PTPRD: variants seen among roughly 807,000 people sequenced by gnomAD.
The protein encoded by PTPRD is receptor-type tyrosine-protein phosphatase delta.
PTPRD carries 34 observed loss-of-function variants against 214.5 expected under a neutral mutation model. That is an observed-to-expected ratio of 0.16 (90% CI 0.12 to 0.21). PTPRD has a LOEUF of 0.21. Ranked by LOEUF, PTPRD falls within the 10% of genes least tolerant of loss-of-function variation. The pLI is 1.00. For missense variants in PTPRD, 2,545 were observed against 2,398.7 expected, an observed-to-expected ratio of 1.06 and a Z score of -1.27; for synonymous variants, 1,128 against 845.7, an observed-to-expected ratio of 1.33 and a Z score of -5.79.
intron 7 of PTPRD, among the ~76,000 whole-genome samples, chr9:9,680,477 A>G (rs564495246): frequency 6.6e-6 from 1 of 151,986 alleles, no homozygotes; most frequent in East Asian, 1.9e-4. Flanking sequence ...AAATTCTTTT[A>G]TCATAATTTG....
chr9:9,918,077 G>C (rs778982271), intron 5 of PTPRD, among the ~76,000 whole-genome samples: 2 of 151,842 alleles, frequency 1.3e-5, no homozygotes, highest in African/African-American at 2.4e-5. Context: ...GCAAGAGAAA[G>C]AAAAGGAATA....
At chr9:9,150,108 C>G (rs2099875359) in intron 10 of PTPRD, among the ~76,000 whole-genome samples, 1 of 152,146 alleles carries the variant, frequency 6.6e-6, no homozygotes. Flanking sequence ...AGAAAGCTGC[C>G]TTGTTTTTTG....
chr9:8,507,752 T>A (rs1349855638), intron 21 of PTPRD, among the ~76,000 whole-genome samples: 2 of 152,156 alleles, frequency 1.3e-5, no homozygotes, highest in Admixed American at 6.5e-5. Flanking sequence ...ATAAATAATA[T>A]AATTTACATA....
intron 11 of PTPRD, among the ~76,000 whole-genome samples, chr9:8,904,307 T>TATGGATATGA (rs2098692613): frequency 6.6e-6 from 1 of 152,194 alleles, no homozygotes; most frequent in Admixed American, 6.5e-5. Flanking sequence ...TCTTATGTAA[T>TATGGATATGA]ATATATCCAT....
At chr9:9,345,343 T>C (rs1310486092) in intron 9 of PTPRD, among the ~76,000 whole-genome samples, 1 of 151,958 alleles carries the variant, frequency 6.6e-6, no homozygotes, top group Non-Finnish European at 1.5e-5. Flanking sequence ...GTTACAGCAG[T>C]AGGTTTTTGT....
intron 43 of PTPRD, 109 bp from the exon 44 acceptor site, chr9:8,331,845 T>C (rs1841524599): frequency 2.3e-6 from 3 of 1,300,736 alleles, no homozygotes; most frequent in Admixed American, 2.9e-5. Context: ...ACAAAAAGGG[T>C]AGAAAAAGTT....
chr9:8,715,789 C>T (rs917596505), intron 12 of PTPRD, among the ~76,000 whole-genome samples: 1 of 152,168 alleles, frequency 6.6e-6, no homozygotes, highest in South Asian at 2.1e-4. Flanking sequence ...TTGAGACAGG[C>T]AAAGTACATT....
At chr9:9,770,929 G>A (rs2098747049) in intron 5 of PTPRD, among the ~76,000 whole-genome samples, 1 of 152,106 alleles carries the variant, frequency 6.6e-6, no homozygotes, top group Admixed American at 6.5e-5. Context: ...AGCCTACTTG[G>A]AAATGGTCAA....
intron 14 of PTPRD, among the ~76,000 whole-genome samples, chr9:8,540,500 T>C (rs2084321641): frequency 2.0e-5 from 3 of 151,998 alleles, no homozygotes; most frequent in African/African-American, 7.2e-5. Flanking sequence ...GAAAAGAAAA[T>C]GTGAGAAATC....
chr9:8,744,672 T>C (rs1288687621), intron 11 of PTPRD, among the ~76,000 whole-genome samples: 2 of 152,166 alleles, frequency 1.3e-5, no homozygotes, highest in Non-Finnish European at 2.9e-5. Context: ...GGGTGAGGGA[T>C]AAAAGATTAC....
At chr9:8,869,732 G>GAAAAAAA (rs201895275) in intron 11 of PTPRD, among the ~76,000 whole-genome samples, 1 of 136,018 alleles carries the variant, frequency 7.4e-6, no homozygotes. Context: ...TTCTTAAAAG[G>GAAAAAAA]AAAAAAAAAA....
At chr9:8,544,309 C>G (rs1390295650) in intron 14 of PTPRD, among the ~76,000 whole-genome samples, 4 of 151,144 alleles carry the variant, frequency 2.6e-5, no homozygotes, top group Non-Finnish European at 5.9e-5. Flanking sequence ...CTCGAACTCC[C>G]AACCCTCAGT....
intron 14 of PTPRD, among the ~76,000 whole-genome samples, chr9:8,581,913 CAAAAAAAAAAAAAAAAAAAA>C (rs36007156): frequency 2.9e-5 from 1 of 34,970 alleles, no homozygotes; most frequent in African/African-American, 8.2e-5. Context: ...ACTCAATCTC[CAAAAAAAAAAAAAAAAAAAA>C]AAAAAAAAAG....
intron 3 of PTPRD, among the ~76,000 whole-genome samples, chr9:10,055,869 GTA>G (rs71321221): frequency 0.059 from 8,841 of 149,500 alleles, 303 homozygotes; most frequent in Non-Finnish European, 0.08. Context: ...TTATGTGTGT[GTA>G]TATATATATA....
chr9:9,589,529 C>A (rs1027549063), intron 7 of PTPRD, among the ~76,000 whole-genome samples: 30 of 151,934 alleles, frequency 2.0e-4, no homozygotes, highest in African/African-American at 7.2e-4. Flanking sequence ...AGTTAATCAG[C>A]AATCTATGGC....
intron 2 of PTPRD, among the ~76,000 whole-genome samples, chr9:10,556,970 T>G (rs1404777672): frequency 6.6e-6 from 1 of 152,048 alleles, no homozygotes. Flanking sequence ...ATAGCAGACA[T>G]CCTATGAAAT....
At position 8,489,024 on chromosome 9, in the gene PTPRD, GGATA is replaced by G. The variant is rs1293996044; in HGVS notation, c.2468-2679_2468-2676del. 5.3e-5 allele frequency among the ~76,000 whole-genome samples: 8 copies of G among 152,222 alleles called. No homozygotes were observed. The East Asian group carries it at 1.5e-3, about 29-fold the overall frequency. On this transcript the variant is annotated intron_variant, in intron 27 of 45. Transcript: ENST00000381196. ...TTTCCGTGAGATGCACGTAAAGCTA[GGATA>G]AATAAAAATAATTTTTTGATCTAAA...
chr9:10,586,305 T>A (rs1056319473), intron 2 of PTPRD, among the ~76,000 whole-genome samples: 4 of 152,024 alleles, frequency 2.6e-5, no homozygotes, highest in African/African-American at 9.7e-5. Flanking sequence ...TACACCTTTG[T>A]AACCTTTACA....
In PTPRD at chr9:8,316,747, AG is replaced by A. The variant is rs1554653290; in HGVS notation, c.*1126del. ...GTGGGGGTAGATTAGGTAGGAAATC[AG>A]GGGGTGAGGTTTGACAATCAATCAC... On this transcript the variant is annotated 3_prime_UTR_variant, in exon 46 of 46. Transcript: ENST00000381196. The A allele has an allele frequency of 4.5e-6, 1 of 222,180 alleles. No individual in the cohort carries two copies. Among genetic ancestry groups the A allele is most frequent in the East Asian group, 6.1e-5 (1 of 16,334 alleles). The allele number at this position is 222,180 out of a possible 1,614,324, so 13.8% of individuals were successfully genotyped here.
Sources: allele counts gnomAD v4.1 joint callset (sites outside exome capture counted in the v4.1 genomes callset), GRCh38; gene constraint gnomAD v4.1.1; transcripts MANE v1.5; gene names NCBI Gene and HGNC (gene_info 2026-07-23, HGNC 2026-07-21).